SLC12A8: variants seen among roughly 807,000 people sequenced by gnomAD.
SLC12A8 encodes cation-chloride cotransporter 9.
SLC12A8 carries 69 observed loss-of-function variants against 75.6 expected under a neutral mutation model. That is an observed-to-expected ratio of 0.91 (90% CI 0.75 to 1.11). The LOEUF (loss-of-function observed/expected upper bound fraction) is 1.11, where lower values mean the gene tolerates loss of function less well. SLC12A8 is among the 50% of genes most tolerant of loss of function. The pLI, the probability that SLC12A8 is intolerant of heterozygous loss-of-function variation, is 0.00. For missense variants in SLC12A8, 877 were observed against 896.7 expected, an observed-to-expected ratio of 0.98 and a Z score of 0.28; for synonymous variants, 365 against 372.8, an observed-to-expected ratio of 0.98 and a Z score of 0.24.
At chr3:125,124,944 C>T (rs1933160615) in intron 6 of SLC12A8, among the ~76,000 whole-genome samples, 1 of 152,096 alleles carries the variant, frequency 6.6e-6, no homozygotes, top group Admixed American at 6.6e-5. Flanking sequence ...AGGTGTTTTA[C>T]AAATATTACA....
chr3:125,088,178 C>T (rs1424198463), intron 13 of SLC12A8, 132 bp downstream of exon 13: 11 of 793,378 alleles, frequency 1.4e-5, no homozygotes, highest in Middle Eastern at 3.5e-4. Flanking sequence ...CTGAGTCTCC[C>T]GGAGGTGCCC....
At chr3:125,090,510 AG>A (rs1938557566) in intron 12 of SLC12A8, among the ~76,000 whole-genome samples, 1 of 152,200 alleles carries the variant, frequency 6.6e-6, no homozygotes, top group Non-Finnish European at 1.5e-5. Context: ...ATTAGGAAGG[AG>A]GTATTGAAAT....
At chr3:125,158,852 G>A (rs1237911397) in intron 5 of SLC12A8, among the ~76,000 whole-genome samples, 1 of 152,054 alleles carries the variant, frequency 6.6e-6, no homozygotes, top group African/African-American at 2.4e-5. Context: ...AAATCATATT[G>A]CAGCAACCCA....
rs538863275 is a variant in SLC12A8, at chr3:125,177,962, C to T, written c.403G>A (p.Ala135Thr). 5 of 1,612,628 alleles carry T rather than the reference C, an allele frequency of 3.1e-6. No homozygotes were observed. The East Asian group carries it at 1.1e-4, about 36-fold the overall frequency. Residue 135 changes from alanine (A) to threonine (T), a missense_variant, in exon 5 of 14, where the codon GCC becomes ACC. Coordinates refer to ENST00000469902, the MANE Select transcript of SLC12A8 (RefSeq NM_024628.6). ...LYVFGQCVAG[A>T]MYITGFAESI... ...TCAGCAAAGCCGGTGATATACATGG[C>T]ACCTGCAACACACTGACATGCGATT...
At chr3:125,140,564 T>C (rs1215046785) in intron 5 of SLC12A8, among the ~76,000 whole-genome samples, 3 of 152,098 alleles carry the variant, frequency 2.0e-5, no homozygotes, top group East Asian at 1.9e-4. Context: ...TGCCTACCGG[T>C]ATGCAACTGG....
intron 2 of SLC12A8, among the ~76,000 whole-genome samples, chr3:125,202,653 A>AAAAAAT (rs1303382311): frequency 1.2e-4 from 12 of 103,638 alleles, no homozygotes; most frequent in Non-Finnish European, 2.5e-4. Context: ...TTTTTTTTAA[A>AAAAAAT]TCTGTATCTA....
At chr3:125,211,213 G>T (rs905740814) in intron 2 of SLC12A8, 86 bp downstream of exon 2, 13 of 1,075,454 alleles carry the variant, frequency 1.2e-5, no homozygotes, top group African/African-American at 3.1e-5. Context: ...TAAAGGGTGC[G>T]CTGTAATGTT....
chr3:125,185,938 GA>G (rs1560079744), intron 4 of SLC12A8, among the ~76,000 whole-genome samples: 1 of 152,216 alleles, frequency 6.6e-6, no homozygotes, highest in Non-Finnish European at 1.5e-5. Flanking sequence ...CCAGCACTTA[GA>G]AAACATCTTA....
intron 4 of SLC12A8, among the ~76,000 whole-genome samples, chr3:125,185,092 G>A (rs9864950): frequency 3.3e-4 from 50 of 152,214 alleles, no homozygotes; most frequent in African/African-American, 1.0e-3. Context: ...AGGCCGAGGC[G>A]GGCGGATCAC....
intron 4 of SLC12A8, among the ~76,000 whole-genome samples, chr3:125,183,721 G>A (rs536836336): frequency 1.8e-4 from 28 of 152,234 alleles, no homozygotes; most frequent in East Asian, 3.9e-4. Flanking sequence ...GTTCTTCCAC[G>A]TGTCAGCACA....
intron 4 of SLC12A8, among the ~76,000 whole-genome samples, chr3:125,183,955 T>C (rs1405881364): frequency 1.3e-5 from 2 of 149,164 alleles, no homozygotes; most frequent in African/African-American, 5.0e-5. Context: ...TGCAAGCTTT[T>C]GTTTTACTTT....
chr3:125,151,041 C>T (rs1356146197), intron 5 of SLC12A8: 1 of 152,208 alleles, frequency 6.6e-6, no homozygotes, highest in Non-Finnish European at 1.5e-5. Context: ...GTTTATGGCA[C>T]TTCAAGCCCA....
rs1387184165 is a variant in SLC12A8, at chr3:125,099,948, A to G, written c.1705+7533T>C. On this transcript the variant is annotated intron_variant, in intron 10 of 13. Transcript: ENST00000469902. ...TGTTTCAAAAAAGAGAGAGAGAGAA[A>G]TATAAACTATAAAAAAGAACCAAAT... 4.6e-5 allele frequency among the ~76,000 whole-genome samples: 7 copies of G among 152,210 alleles called. No individual in the cohort carries two copies. In the South Asian group the frequency reaches 1.2e-3, roughly 27 times the overall value.
chr3:125,190,162 G>C (rs923309501), intron 3 of SLC12A8, among the ~76,000 whole-genome samples: 5 of 152,190 alleles, frequency 3.3e-5, no homozygotes, highest in African/African-American at 1.2e-4. Context: ...TTAAATCTAT[G>C]GTGTGAGGTT....
At chr3:125,104,397 C>T (rs1361685761) in intron 10 of SLC12A8, among the ~76,000 whole-genome samples, 1 of 151,598 alleles carries the variant, frequency 6.6e-6, no homozygotes, top group African/African-American at 2.4e-5. Flanking sequence ...GTATGAGCCA[C>T]CATGTCCAGC....
chr3:125,102,015 C>T (rs1938889352), intron 10 of SLC12A8, among the ~76,000 whole-genome samples: 1 of 151,984 alleles, frequency 6.6e-6, no homozygotes, highest in Non-Finnish European at 1.5e-5. Context: ...ATATTTATTT[C>T]CTTAAGATAG....
At chr3:125,178,591 C>T (rs1934588446) in intron 4 of SLC12A8, among the ~76,000 whole-genome samples, 1 of 152,150 alleles carries the variant, frequency 6.6e-6, no homozygotes, top group Admixed American at 6.5e-5. Flanking sequence ...TTACATGTTA[C>T]CTTATGGATT....
At chr3:125,163,819 G>T (rs1442060561) in intron 5 of SLC12A8, among the ~76,000 whole-genome samples, 2 of 152,194 alleles carry the variant, frequency 1.3e-5, no homozygotes, top group African/African-American at 4.8e-5. Context: ...GGATGCAGAG[G>T]GCTGGGGCCG....
intron 2 of SLC12A8, among the ~76,000 whole-genome samples, chr3:125,210,246 G>C (rs762701975): frequency 6.6e-6 from 1 of 152,174 alleles, no homozygotes; most frequent in Non-Finnish European, 1.5e-5. Flanking sequence ...AAATACTTGG[G>C]TGAAGGTTTC....
Sources: gnomAD v4.1 joint callset for allele counts (sites outside exome capture counted in the v4.1 genomes callset) on GRCh38, gnomAD v4.1.1 for gene constraint, MANE v1.5 for transcripts, NCBI Gene and HGNC (gene_info 2026-07-23, HGNC 2026-07-21) for gene names.